LRP12: variants seen among roughly 807,000 people sequenced by gnomAD.
LRP12 encodes LDL receptor related protein 12.
Under a neutral mutation model 66.0 loss-of-function variants are expected in LRP12, and 14 were observed. The observed-to-expected ratio is 0.21, with a 90% CI of 0.14 to 0.33. The LOEUF (loss-of-function observed/expected upper bound fraction) is 0.33, where lower values mean the gene tolerates loss of function less well. LRP12 is among the 10% of genes least tolerant of loss of function. LRP12 has a pLI of 1.00. For missense variants in LRP12, 889 were observed against 1,053.4 expected (o/e 0.84, Z 2.16); for synonymous variants, 357 against 359.1 (o/e 0.99, Z 0.07).
chr8:104,496,383 C>A (rs1373337228), intron 5 of LRP12, among the ~76,000 whole-genome samples: 1 of 152,150 alleles, frequency 6.6e-6, no homozygotes, highest in Admixed American at 6.5e-5. Context: ...TTAACAACAC[C>A]TTTTCCCCTA....
chr8:104,580,922 C>G (rs1303317135), intron 1 of LRP12, among the ~76,000 whole-genome samples: 1 of 152,212 alleles, frequency 6.6e-6, no homozygotes, highest in Non-Finnish European at 1.5e-5. Flanking sequence ...CCAGCAATCC[C>G]ATTACTGGGA....
intron 1 of LRP12, among the ~76,000 whole-genome samples, chr8:104,569,270 G>A (rs1049399597): frequency 2.0e-5 from 3 of 152,162 alleles, no homozygotes; most frequent in Non-Finnish European, 4.4e-5. Flanking sequence ...TAGAGAGTAG[G>A]AAGAATGGGT....
At chr8:104,555,779 A>C (rs1489689460) in intron 1 of LRP12, among the ~76,000 whole-genome samples, 4 of 152,126 alleles carry the variant, frequency 2.6e-5, no homozygotes, top group Admixed American at 2.6e-4. Context: ...ACAAAGAAAC[A>C]ATGGACTTCA....
chr8:104,584,915 T>G (rs1376680781), intron 1 of LRP12, among the ~76,000 whole-genome samples: 1 of 152,250 alleles, frequency 6.6e-6, no homozygotes, highest in Admixed American at 6.5e-5. Flanking sequence ...TTAAACCAGT[T>G]ATTAAGTGCT....
At chr8:104,512,845 A>C (rs1588487859) in intron 2 of LRP12, among the ~76,000 whole-genome samples, 1 of 152,176 alleles carries the variant, frequency 6.6e-6, no homozygotes, top group Admixed American at 6.5e-5. Flanking sequence ...CATAAATAAG[A>C]ATGACTATTA....
rs190383805 is a variant in LRP12 at position 104,569,076 on chromosome 8, T to G, written c.79+19743A>C. Reference sequence around the variant, plus strand: ...AAAGTAGAATATCCATACAATGGAATTTTTGGGAATAAAGTACTGAGCCAT... The same window carrying G: ...AAAGTAGAATATCCATACAATGGAAGTTTTGGGAATAAAGTACTGAGCCAT... On this transcript the variant is annotated intron_variant, in intron 1 of 6. Transcript: ENST00000276654. 1.9e-4 allele frequency among the ~76,000 whole-genome samples: 29 copies of G among 151,720 alleles called. No homozygotes were observed. The Middle Eastern group carries it at 0.01, about 53-fold the overall frequency.
intron 1 of LRP12, among the ~76,000 whole-genome samples, chr8:104,560,322 A>G (rs185977747): frequency 6.6e-6 from 1 of 152,234 alleles, no homozygotes; most frequent in East Asian, 1.9e-4. Flanking sequence ...CAAGACCAGA[A>G]GATACAGATC....
At position 104,564,364 on chromosome 8, in the gene LRP12, T is replaced by C. The variant is rs1274719911; in HGVS notation, c.79+24455A>G. ...AACCAGCTACCAGACAGGACCAATGTAGCTGTTTCTATAAGAGCACTTTGA... is the reference window on the plus strand; with the variant it reads ...AACCAGCTACCAGACAGGACCAATGCAGCTGTTTCTATAAGAGCACTTTGA... On this transcript the variant is annotated intron_variant, in intron 1 of 6. Coordinates refer to ENST00000276654, the MANE Select transcript of LRP12 (RefSeq NM_013437.5). Among the ~76,000 whole-genome samples, 4 of 152,208 alleles carry C rather than the reference T, an allele frequency of 2.6e-5. No homozygotes were observed. In the East Asian group the frequency reaches 5.8e-4, roughly 22 times the overall value.
At chr8:104,538,644 T>C (rs555548204) in intron 1 of LRP12, among the ~76,000 whole-genome samples, 2 of 152,112 alleles carry the variant, frequency 1.3e-5, no homozygotes, top group African/African-American at 2.4e-5. Context: ...TCACACATCA[T>C]GGGCCTCCTA....
At chr8:104,541,535 CA>C (rs1811476371) in intron 1 of LRP12, among the ~76,000 whole-genome samples, 1 of 152,150 alleles carries the variant, frequency 6.6e-6, no homozygotes, top group Non-Finnish European at 1.5e-5. Flanking sequence ...CATCTTTTTT[CA>C]AGTGCACAAT....
At position 104,491,605 on chromosome 8, in the gene LRP12, A is replaced by AG. The variant is rs201824078; in HGVS notation, c.1714-67_1714-66insC. On this transcript the variant is annotated intron_variant, in intron 6 of 6. Coordinates refer to ENST00000276654, the MANE Select transcript of LRP12 (RefSeq NM_013437.5). ...GGTACTAAGATAAAAAAAAAAAAAA[A>AG]CACCCTTCTATTAAGAATGTGTTGT... The AG allele has an allele frequency of 2.4e-6, 3 of 1,242,762 alleles. No homozygotes were observed. In the Admixed American group the frequency reaches 7.9e-5, roughly 33 times the overall value. The allele number at this position is 1,242,762 out of a possible 1,614,324, so 77.0% of individuals were successfully genotyped here.
chr8:104,588,964 A>ACGCCGCCGC lies in LRP12; in HGVS notation c.-68_-67insGCGGCGGCG, dbSNP rs146897880. 3,774 of 905,518 alleles carry ACGCCGCCGC rather than the reference A, an allele frequency of 4.2e-3. 92 individuals carry two copies. The highest frequency in any genetic ancestry group is 0.026 in the African/African-American group (946 of 36,518). 56.1% of individuals were successfully genotyped at this position (905,518 alleles called of 1,614,324 possible). A position where few individuals can be genotyped will look rare whatever the true frequency, so the allele number is the denominator to read the frequency against. On this transcript the variant is annotated 5_prime_UTR_variant, in exon 1 of 7. Coordinates refer to ENST00000276654, the MANE Select transcript of LRP12 (RefSeq NM_013437.5). The stretch of plus-strand genomic sequence containing the variant: ...AGGGAGGAGAAGCTGGAGGTAGACG[A>ACGCCGCCGC]CGCCGACGCCGCCGCCGCCGCCGCC...
At chr8:104,509,203 T>C (rs1450835643) in intron 2 of LRP12, 129 bp from the exon 3 acceptor site, 2 of 680,696 alleles carry the variant, frequency 2.9e-6, no homozygotes, top group Non-Finnish European at 4.7e-6. Flanking sequence ...TATGGTAGTA[T>C]CAACTTTAAA....
intron 6 of LRP12, among the ~76,000 whole-genome samples, chr8:104,493,356 C>T (rs1380024396): frequency 1.3e-5 from 2 of 152,142 alleles, no homozygotes; most frequent in East Asian, 1.9e-4. Context: ...TAAATGAATA[C>T]AATCTAACTT....
chr8:104,548,153 T>TAATA (rs1178014240), intron 1 of LRP12, among the ~76,000 whole-genome samples: 11 of 70,478 alleles, frequency 1.6e-4, no homozygotes, highest in African/African-American at 8.3e-4. Flanking sequence ...ATATTATATA[T>TAATA]TAATAATTAT....
intron 2 of LRP12, among the ~76,000 whole-genome samples, chr8:104,514,713 C>A (rs1043024963): frequency 2.0e-5 from 3 of 151,790 alleles, no homozygotes; most frequent in Non-Finnish European, 2.9e-5. Context: ...AAAAGAAAAA[C>A]AAAAAAACCA....
intron 1 of LRP12, among the ~76,000 whole-genome samples, chr8:104,550,552 C>T (rs1811710432): frequency 6.6e-6 from 1 of 152,132 alleles, no homozygotes; most frequent in African/African-American, 2.4e-5. Context: ...TATTCCTTAC[C>T]TTGGTGAATG....
intron 1 of LRP12, among the ~76,000 whole-genome samples, chr8:104,570,514 C>T (rs1343448433): frequency 2.6e-5 from 4 of 152,108 alleles, no homozygotes; most frequent in African/African-American, 9.7e-5. Context: ...GCAAAGGCAG[C>T]TCAATGGGAA....
intron 1 of LRP12, among the ~76,000 whole-genome samples, chr8:104,545,988 C>T (rs1472577078): frequency 1.6e-4 from 24 of 152,088 alleles, no homozygotes; most frequent in Admixed American, 1.6e-3. Flanking sequence ...AAGCACAGTA[C>T]CCAAATTGAT....
Sources: gnomAD v4.1 joint callset for allele counts (sites outside exome capture counted in the v4.1 genomes callset) on GRCh38, gnomAD v4.1.1 for gene constraint, MANE v1.5 for transcripts, NCBI Gene and HGNC (gene_info 2026-07-23, HGNC 2026-07-21) for gene names.